DAB1: variants seen among roughly 807,000 people sequenced by gnomAD.
DAB1 encodes DAB adaptor protein 1.
A neutral mutation model predicts 64.6 loss-of-function variants in DAB1; 15 were observed. The ratio of observed to expected loss-of-function variants is 0.23; its 90% CI spans 0.16 to 0.36. The LOEUF (loss-of-function observed/expected upper bound fraction) is 0.36. Among genes scored for constraint, DAB1 ranks in the 10% least tolerant of loss-of-function variants. The pLI is 1.00. For synonymous variants in DAB1, 235 were observed against 251.9 expected (o/e 0.93, Z 0.64); for missense variants, 596 against 706.7 (o/e 0.84, Z 1.78).
At chr1:57,468,132 A>G (rs1186353252) in intron 7 of DAB1, among the ~76,000 whole-genome samples, 1 of 152,230 alleles carries the variant, frequency 6.6e-6, no homozygotes, top group African/African-American at 2.4e-5. Flanking sequence ...CGTTTCTCAG[A>G]GACCAAACTA....
At chr1:58,408,509 C>A (rs1175918604) in intron 3 of DAB1, among the ~76,000 whole-genome samples, 1 of 152,180 alleles carries the variant, frequency 6.6e-6, no homozygotes, top group Non-Finnish European at 1.5e-5. Flanking sequence ...ATTGATCTAT[C>A]CGTAGTGTCC....
intron 2 of DAB1, among the ~76,000 whole-genome samples, chr1:57,236,613 A>G (rs938419134): frequency 1.3e-5 from 2 of 152,236 alleles, no homozygotes; most frequent in Admixed American, 6.5e-5. Flanking sequence ...AAACAAATCA[A>G]CAATGCCTTT....
intron 2 of DAB1, among the ~76,000 whole-genome samples, chr1:57,219,875 C>G (rs1666723380): frequency 6.6e-6 from 1 of 152,126 alleles, no homozygotes; most frequent in African/African-American, 2.4e-5. Context: ...TGAGAGACCC[C>G]TGAGCAGAGG....
intron 6 of DAB1, among the ~76,000 whole-genome samples, chr1:57,784,313 G>A (rs1270992566): frequency 1.3e-5 from 2 of 152,126 alleles, no homozygotes; most frequent in South Asian, 2.1e-4. Flanking sequence ...AGGATCACTT[G>A]AGCCTGGAAG....
intron 7 of DAB1, among the ~76,000 whole-genome samples, chr1:57,633,715 C>G (rs1646018478): frequency 6.6e-6 from 1 of 152,098 alleles, no homozygotes; most frequent in Non-Finnish European, 1.5e-5. Flanking sequence ...CAATGAAAGT[C>G]TGAAAAATAG....
chr1:57,645,086 G>T (rs1181590748), intron 7 of DAB1, among the ~76,000 whole-genome samples: 1 of 152,086 alleles, frequency 6.6e-6, no homozygotes, highest in Non-Finnish European at 1.5e-5. Flanking sequence ...GGTTCATCTG[G>T]ATCCACAGAT....
chr1:57,280,346 G>A (rs1671789365), intron 2 of DAB1, among the ~76,000 whole-genome samples: 1 of 152,096 alleles, frequency 6.6e-6, no homozygotes. Context: ...TGTGTACTCT[G>A]ACCATCCTAG....
At position 57,680,641 on chromosome 1, in the gene DAB1, T is replaced by C. The variant is rs531777466; in HGVS notation, n.552-30976A>G. Among the ~76,000 whole-genome samples the C allele has an allele frequency of 1.5e-3, 226 of 152,314 alleles. 2 individuals are homozygous for C. Among genetic ancestry groups the C allele is most frequent in the Non-Finnish European group, 2.1e-3 (143 of 68,030 alleles). On this transcript the variant is annotated intron_variant and non_coding_transcript_variant, in intron 6 of 20. Transcript: ENST00000485760. The stretch of plus-strand genomic sequence containing the variant: ...CATATTATGCTCCCCTCTTCCACTT[T>C]TAAGGACTCTTGTGACTACATCGAG...
At chr1:57,222,369 G>A (rs1459054196) in intron 2 of DAB1, among the ~76,000 whole-genome samples, 2 of 152,166 alleles carry the variant, frequency 1.3e-5, no homozygotes, top group African/African-American at 4.8e-5. Flanking sequence ...AGTCCTAAGT[G>A]TTGTTATAGA....
intron 5 of DAB1, among the ~76,000 whole-genome samples, chr1:57,983,655 T>C (rs1202937610): frequency 2.0e-5 from 3 of 152,216 alleles, no homozygotes; most frequent in African/African-American, 4.8e-5. Flanking sequence ...CCGCTATTCC[T>C]GCAGCAGGAT....
At chr1:58,151,425 G>T (rs1654930460) in intron 4 of DAB1, among the ~76,000 whole-genome samples, 1 of 152,116 alleles carries the variant, frequency 6.6e-6, no homozygotes, top group African/African-American at 2.4e-5. Flanking sequence ...GTTTTGATTT[G>T]CATTTCTCTG....
intron 3 of DAB1, among the ~76,000 whole-genome samples, chr1:58,445,354 C>A (rs1645053795): frequency 6.6e-6 from 1 of 152,180 alleles, no homozygotes; most frequent in Non-Finnish European, 1.5e-5. Flanking sequence ...CGGAGGAAGA[C>A]ATTAAAACCC....
At chr1:57,140,714 T>C (rs1658514815) in intron 3 of DAB1, among the ~76,000 whole-genome samples, 1 of 152,148 alleles carries the variant, frequency 6.6e-6, no homozygotes, top group Non-Finnish European at 1.5e-5. Flanking sequence ...GAGGGCTCAG[T>C]AAATAACAGT....
intron 4 of DAB1, among the ~76,000 whole-genome samples, chr1:57,116,480 A>AAAAGAAAG (rs71659658): frequency 3.0e-5 from 4 of 131,230 alleles, no homozygotes; most frequent in African/African-American, 1.1e-4. Flanking sequence ...AAAAAAAAAA[A>AAAAGAAAG]AAAGAAAGAA....
chr1:57,834,189 C>A (rs1199526785), intron 1 of DAB1, among the ~76,000 whole-genome samples: 1 of 152,184 alleles, frequency 6.6e-6, no homozygotes, highest in East Asian at 1.9e-4. Flanking sequence ...AGTAAATTCA[C>A]AGTTTTGTCC....
At chr1:57,312,713 C>G (rs879288475) in intron 1 of DAB1, among the ~76,000 whole-genome samples, 1 of 151,890 alleles carries the variant, frequency 6.6e-6, no homozygotes, top group Admixed American at 6.6e-5. Flanking sequence ...TGTAAAATGG[C>G]CCCTATTCAC....
intron 1 of DAB1, among the ~76,000 whole-genome samples, chr1:57,327,901 T>C (rs974524693): frequency 2.0e-5 from 3 of 152,116 alleles, no homozygotes; most frequent in African/African-American, 7.2e-5. Context: ...GACCTGAAAT[T>C]CAGGTCTCAG....
chr1:57,205,766 T>C (rs915954728), intron 2 of DAB1, among the ~76,000 whole-genome samples: 1 of 152,152 alleles, frequency 6.6e-6, no homozygotes, highest in African/African-American at 2.4e-5. Context: ...AAAGTTGAAG[T>C]TTTTTTACTA....
At chr1:58,048,606 C>T (rs1647405202) in intron 5 of DAB1, 3 of 1,044,078 alleles carry the variant, frequency 2.9e-6, no homozygotes, top group Admixed American at 1.7e-5. Flanking sequence ...TCACAGCTGC[C>T]ACCAAAGCCA....
Sources: gnomAD v4.1 joint callset for allele counts (sites outside exome capture counted in the v4.1 genomes callset) on GRCh38, gnomAD v4.1.1 for gene constraint, MANE v1.5 for transcripts, NCBI Gene and HGNC (gene_info 2026-07-23, HGNC 2026-07-21) for gene names.